CADPS2: variants seen among roughly 807,000 people sequenced by gnomAD.
CADPS2 encodes the protein calcium dependent secretion activator 2, also known as calcium-dependent secretion activator 2.
In CADPS2, 93 loss-of-function variants were observed where a neutral mutation model predicts 172.5. The observed-to-expected ratio is 0.54, with a 90% CI of 0.46 to 0.64. CADPS2 has a LOEUF of 0.64. CADPS2 is among the 30% of genes least tolerant of loss of function. CADPS2 has a pLI of 0.00. For synonymous variants in CADPS2, 546 were observed against 555.2 expected, an observed-to-expected ratio of 0.98 and a Z score of 0.23; for missense variants, 1,420 against 1,565.9, an observed-to-expected ratio of 0.91 and a Z score of 1.57.
At chr7:122,552,775 G>GTTTTTTTT (rs61517518) in intron 8 of CADPS2, among the ~76,000 whole-genome samples, 8 of 137,096 alleles carry the variant, frequency 5.8e-5, no homozygotes, top group African/African-American at 5.4e-5. Context: ...ATAGGTTCCT[G>GTTTTTTTT]TTTTTTTTTT....
intron 1 of CADPS2, among the ~76,000 whole-genome samples, chr7:122,801,664 A>G (rs1251677229): frequency 3.9e-5 from 6 of 152,222 alleles, no homozygotes. Context: ...AATGTTAACC[A>G]AAAAGAAGCA....
intron 24 of CADPS2, among the ~76,000 whole-genome samples, chr7:122,382,504 T>C (rs1305966385): frequency 1.3e-5 from 2 of 152,096 alleles, no homozygotes; most frequent in African/African-American, 4.8e-5. Flanking sequence ...TTCAGATAAC[T>C]TTCAAAGACA....
Position 122,770,266 on chromosome 7 carries a change from T to A in CADPS2, c.340-33198A>T, listed in dbSNP as rs114598019. The stretch of plus-strand genomic sequence containing the variant: ...CCCATTCTCTACCCACCCTATATCA[T>A]GCAAATCATGAAATCATTGTAGTAA... On this transcript the variant is annotated intron_variant, in intron 1 of 29. Transcript: ENST00000449022. Among the ~76,000 whole-genome samples the A allele has an allele frequency of 6.4e-3, 971 of 152,202 alleles. 9 individuals carry two copies. Among genetic ancestry groups the A allele is most frequent in the African/African-American group, 0.022 (928 of 41,540 alleles).
At chr7:122,780,214 C>T (rs1792324336) in intron 1 of CADPS2, among the ~76,000 whole-genome samples, 1 of 151,938 alleles carries the variant, frequency 6.6e-6, no homozygotes, top group African/African-American at 2.4e-5. Context: ...ACCATGTGCA[C>T]TTGTTTTCTT....
At chr7:122,411,999 A>G (rs762046707) in intron 19 of CADPS2, among the ~76,000 whole-genome samples, 1 of 152,212 alleles carries the variant, frequency 6.6e-6, no homozygotes, top group Non-Finnish European at 1.5e-5. Context: ...TATATTATAA[A>G]TCAGTAAATA....
intron 3 of CADPS2, among the ~76,000 whole-genome samples, chr7:122,635,788 G>A (rs2134332606): frequency 6.6e-6 from 1 of 152,298 alleles, no homozygotes; most frequent in Non-Finnish European, 1.5e-5. Context: ...GTGCTCCAGT[G>A]TTGGATGTGT....
chr7:122,859,399 G>A (rs1816300046), intron 1 of CADPS2, among the ~76,000 whole-genome samples: 1 of 152,100 alleles, frequency 6.6e-6, no homozygotes, highest in Non-Finnish European at 1.5e-5. Flanking sequence ...TGAGTTATAA[G>A]TTTCTTTTGA....
intron 7 of CADPS2, among the ~76,000 whole-genome samples, chr7:122,578,232 C>CACAT (rs1415180142): frequency 1.3e-5 from 2 of 151,888 alleles, no homozygotes; most frequent in African/African-American, 2.4e-5. Flanking sequence ...TACCCACACA[C>CACAT]ACATATATAA....
At chr7:122,875,107 ATGTGAG>A (rs1820857158) in intron 1 of CADPS2, among the ~76,000 whole-genome samples, 1 of 152,208 alleles carries the variant, frequency 6.6e-6, no homozygotes, top group Non-Finnish European at 1.5e-5. Flanking sequence ...CAATCCAGAA[ATGTGAG>A]TGTGTATACG....
intron 9 of CADPS2, among the ~76,000 whole-genome samples, chr7:122,503,396 C>A (rs141706978): frequency 3.6e-4 from 55 of 151,968 alleles, no homozygotes; most frequent in African/African-American, 7.7e-4. Context: ...TTCTATTGAA[C>A]ACGTTACTGA....
intron 2 of CADPS2, among the ~76,000 whole-genome samples, chr7:122,695,590 C>T (rs907776234): frequency 2.6e-5 from 4 of 152,178 alleles, no homozygotes; most frequent in African/African-American, 9.7e-5. Context: ...CTCTACCTGG[C>T]ACATGGTAGC....
chr7:122,724,069 C>A (rs1367333347), intron 2 of CADPS2, among the ~76,000 whole-genome samples: 3 of 151,304 alleles, frequency 2.0e-5, no homozygotes, highest in Admixed American at 6.6e-5. Context: ...AGGAGATATA[C>A]CTAATGTAAA....
At chr7:122,702,534 C>G (rs1330540333) in intron 2 of CADPS2, 1 of 1,613,488 alleles carries the variant, frequency 6.2e-7, no homozygotes, top group Non-Finnish European at 8.5e-7. Context: ...GCCACCACAC[C>G]AGACACCCTT....
chr7:122,856,305 G>A (rs1815197330), intron 1 of CADPS2, among the ~76,000 whole-genome samples: 1 of 152,066 alleles, frequency 6.6e-6, no homozygotes, highest in Admixed American at 6.6e-5. Context: ...TCACATCTTG[G>A]TAGTGGTATC....
At chr7:122,384,329 T>C (rs1168966406) in intron 24 of CADPS2, among the ~76,000 whole-genome samples, 1 of 152,074 alleles carries the variant, frequency 6.6e-6, no homozygotes, top group Admixed American at 6.6e-5. Context: ...ACTAGAGATT[T>C]TGGAGAGGTA....
At chr7:122,653,616 T>C (rs371571057) in intron 3 of CADPS2, among the ~76,000 whole-genome samples, 8 of 152,236 alleles carry the variant, frequency 5.3e-5, no homozygotes, top group Admixed American at 2.0e-4. Flanking sequence ...TTTTTACACA[T>C]TGAAGGTCTG....
At chr7:122,433,598 T>A (rs2050258405) in intron 17 of CADPS2, among the ~76,000 whole-genome samples, 1 of 152,104 alleles carries the variant, frequency 6.6e-6, no homozygotes, top group African/African-American at 2.4e-5. Context: ...AGACAGGGTT[T>A]CACCATGTTG....
intron 1 of CADPS2, chr7:122,849,848 T>C: frequency 1.7e-6 from 1 of 573,636 alleles, no homozygotes; most frequent in Middle Eastern, 3.0e-4. Context: ...CACTATGGTG[T>C]TTCCTTCTGG....
chr7:122,710,624 C>A (rs544194971), intron 2 of CADPS2, among the ~76,000 whole-genome samples: 2 of 150,806 alleles, frequency 1.3e-5, no homozygotes, highest in African/African-American at 2.4e-5. Context: ...AATAAATGGG[C>A]CTTCCTTCCT....
Sources: gnomAD v4.1 joint callset for allele counts (sites outside exome capture counted in the v4.1 genomes callset) on GRCh38, gnomAD v4.1.1 for gene constraint, MANE v1.5 for transcripts, NCBI Gene and HGNC (gene_info 2026-07-23, HGNC 2026-07-21) for gene names.